Variants in EPHX4 observed in about 807,000 individuals in gnomAD.
EPHX4 encodes the protein epoxide hydrolase 4.
EPHX4 carries 31 observed loss-of-function variants against 44.9 expected under a neutral mutation model. The ratio of observed to expected loss-of-function variants is 0.69; its 90% CI spans 0.52 to 0.93. EPHX4 has a LOEUF of 0.93. Ranked by LOEUF, EPHX4 falls within the 40% of genes least tolerant of loss-of-function variation. The probability of loss-of-function intolerance (pLI) is 0.00; values close to 1 mark genes in which losing one functional copy is unlikely to be tolerated. For missense variants in EPHX4, 373 were observed against 438.1 expected (o/e 0.85, Z 1.33); for synonymous variants, 151 against 159.7 (o/e 0.95, Z 0.41).
intron 6 of EPHX4, among the ~76,000 whole-genome samples, chr1:92,057,807 C>T (rs1331357943): frequency 6.6e-6 from 1 of 152,008 alleles, no homozygotes; most frequent in Non-Finnish European, 1.5e-5. Context: ...ACCATGTTGG[C>T]CAGGCTGGTC....
intron 3 of EPHX4, chr1:92,043,212 T>C (rs1688535185): frequency 2.7e-6 from 1 of 364,404 alleles, no homozygotes. Flanking sequence ...AGATTTGTTT[T>C]TAAACATAGA....
At chr1:92,032,473 C>T in intron 1 of EPHX4, 32 bp from the exon 2 acceptor site, 1 of 1,522,680 alleles carries the variant, frequency 6.6e-7, no homozygotes, top group East Asian at 2.3e-5. Context: ...TCAACACAAA[C>T]ATCACTAAAA....
intron 2 of EPHX4, among the ~76,000 whole-genome samples, chr1:92,035,481 G>A (rs1481780131): frequency 6.6e-6 from 1 of 152,184 alleles, no homozygotes; most frequent in Non-Finnish European, 1.5e-5. Context: ...TGAATATTCA[G>A]TAAATACTCA....
In EPHX4 at chr1:92,042,820, C is replaced by G; in HGVS notation, c.318-3C>G. The G allele has an allele frequency of 6.2e-7, 1 of 1,601,414 alleles. No individual in the cohort carries two copies. The highest frequency in any genetic ancestry group is 1.1e-5 in the South Asian group (1 of 88,246). ...ATTTTAAATGCTTCCTTTTTTCCTGCAGGTATTCTTGGCGTTACCAACTGA... is the reference window on the plus strand; with the variant it reads ...ATTTTAAATGCTTCCTTTTTTCCTGGAGGTATTCTTGGCGTTACCAACTGA... On this transcript the variant is annotated splice_region_variant and splice_polypyrimidine_tract_variant and intron_variant, in intron 2 of 6. Coordinates refer to ENST00000370383, the MANE Select transcript of EPHX4 (RefSeq NM_173567.5).
intron 1 of EPHX4, among the ~76,000 whole-genome samples, 173 bp downstream of exon 1, chr1:92,030,483 T>TGTGTGTGTGTGTGTGTGTGAGTGA (rs745435867): frequency 1.4e-5 from 2 of 138,658 alleles, no homozygotes; most frequent in Non-Finnish European, 3.1e-5. Context: ...TGTGTGTGTG[T>TGTGTGTGTGTGTGTGTGTGAGTGA]GTGAGAGAGA....
intron 2 of EPHX4, among the ~76,000 whole-genome samples, chr1:92,033,086 T>TTA (rs1688385246): frequency 1.3e-5 from 2 of 151,680 alleles, no homozygotes; most frequent in South Asian, 4.2e-4. Flanking sequence ...CCTAGCTTTT[T>TTA]TTTTTTTTTT....
intron 6 of EPHX4, among the ~76,000 whole-genome samples, chr1:92,060,770 T>C (rs1421614379): frequency 6.6e-6 from 1 of 152,150 alleles, no homozygotes; most frequent in Non-Finnish European, 1.5e-5. Flanking sequence ...CTTACTTTAC[T>C]AATTCAATTG....
chr1:92,054,721 G>T (rs1290845757), intron 6 of EPHX4, among the ~76,000 whole-genome samples: 1 of 150,694 alleles, frequency 6.6e-6, no homozygotes, highest in South Asian at 2.1e-4. Context: ...ACATAAGAAA[G>T]AATAAAAAAT....
Position 92,061,930 on chromosome 1 carries a change from A to G in EPHX4, c.858-1125A>G, listed in dbSNP as rs1173776324. ...TTCTGTACTTAAGAAAGTATAGGCC[A>G]TGTGTGCTGGCTCATGCCTGTAATC... On this transcript the variant is annotated intron_variant, in intron 6 of 6. Transcript: ENST00000370383. 3.3e-5 allele frequency among the ~76,000 whole-genome samples: 5 copies of G among 152,156 alleles called. No individual in the cohort carries two copies. The East Asian group carries it at 7.7e-4, about 23-fold the overall frequency.
intron 6 of EPHX4, among the ~76,000 whole-genome samples, chr1:92,056,006 A>G (rs1286157390): frequency 1.3e-5 from 2 of 152,114 alleles, no homozygotes; most frequent in Non-Finnish European, 2.9e-5. Context: ...AGAGAGAGAG[A>G]GAGGGAGAAA....
intron 2 of EPHX4, among the ~76,000 whole-genome samples, chr1:92,040,506 G>T (rs1570690132): frequency 6.6e-6 from 1 of 151,968 alleles, no homozygotes; most frequent in South Asian, 2.1e-4. Context: ...TGTATTTTTA[G>T]TAGAAACGGG....
chr1:92,045,191 GC>G (rs1688566139), intron 3 of EPHX4, among the ~76,000 whole-genome samples: 1 of 151,906 alleles, frequency 6.6e-6, no homozygotes, highest in Non-Finnish European at 1.5e-5. Flanking sequence ...TTGCTATGTT[GC>G]CCAGGCTGGT....
At chr1:92,056,027 G>A (rs1489978722) in intron 6 of EPHX4, among the ~76,000 whole-genome samples, 2 of 152,102 alleles carry the variant, frequency 1.3e-5, no homozygotes, top group Non-Finnish European at 2.9e-5. Flanking sequence ...GAGAATGAGA[G>A]CGAGCAGGCC....
chr1:92,030,017 C>A lies in EPHX4; in HGVS notation c.-63C>A, dbSNP rs1488487132. Reference sequence around the variant, plus strand: ...GAGAGGCGACGGCGGGCTGGCCTGGCGCGCTGCGGCGCTCGCTCACCCGCT... The same window carrying A: ...GAGAGGCGACGGCGGGCTGGCCTGGAGCGCTGCGGCGCTCGCTCACCCGCT... On this transcript the variant is annotated 5_prime_UTR_variant, in exon 1 of 7. Coordinates refer to ENST00000370383, the MANE Select transcript of EPHX4 (RefSeq NM_173567.5). 3.9e-5 allele frequency: 49 copies of A among 1,260,346 alleles called. No homozygotes were observed. The highest frequency in any genetic ancestry group is 1.1e-4 in the Admixed American group (3 of 27,254). 78.1% of individuals were successfully genotyped at this position (1,260,346 alleles called of 1,614,324 possible).
At chr1:92,058,307 G>T (rs1216531482) in intron 6 of EPHX4, among the ~76,000 whole-genome samples, 1 of 152,022 alleles carries the variant, frequency 6.6e-6, no homozygotes, top group South Asian at 2.1e-4. Context: ...CAGGCGTGGT[G>T]GTGCATGTCT....
At chr1:92,059,844 C>T (rs899192342) in intron 6 of EPHX4, among the ~76,000 whole-genome samples, 1 of 151,498 alleles carries the variant, frequency 6.6e-6, no homozygotes, top group Non-Finnish European at 1.5e-5. Flanking sequence ...GGCTATTTAC[C>T]AACCAGTAGA....
At chr1:92,038,060 A>G (rs1688466018) in intron 2 of EPHX4, among the ~76,000 whole-genome samples, 1 of 152,214 alleles carries the variant, frequency 6.6e-6, no homozygotes, top group Non-Finnish European at 1.5e-5. Context: ...TTTATTAAAA[A>G]TATGCAGTTG....
At chr1:92,030,358 C>G in intron 1 of EPHX4, 48 bp downstream of exon 1, 1 of 1,430,824 alleles carries the variant, frequency 7.0e-7, no homozygotes, top group Non-Finnish European at 9.2e-7. Context: ...GCGTGACCGC[C>G]GCGAGGGTGG....
intron 4 of EPHX4, 44 bp from the exon 5 acceptor site, chr1:92,050,273 T>C (rs1381271555): frequency 1.6e-6 from 2 of 1,244,474 alleles, no homozygotes; most frequent in African/African-American, 3.0e-5. Context: ...CAGTAAGTAA[T>C]TTATACCCCT....
Sources: gnomAD v4.1 joint callset for allele counts (sites outside exome capture counted in the v4.1 genomes callset) on GRCh38, gnomAD v4.1.1 for gene constraint, MANE v1.5 for transcripts, NCBI Gene and HGNC (gene_info 2026-07-23, HGNC 2026-07-21) for gene names.